Variants in PAQR9 observed in about 807,000 individuals in gnomAD.
PAQR9 encodes the protein progestin and adipoQ receptor family member 9, also known as membrane progestin receptor epsilon.
A neutral mutation model predicts 24.0 loss-of-function variants in PAQR9; 12 were observed. That is an observed-to-expected ratio of 0.50 (90% CI 0.32 to 0.81). PAQR9 has a LOEUF of 0.81. Among genes scored for constraint, PAQR9 ranks in the 30% least tolerant of loss-of-function variants. The pLI is 0.03. For synonymous variants in PAQR9, 266 were observed against 237.6 expected, an observed-to-expected ratio of 1.12 and a Z score of -1.10; for missense variants, 418 against 520.8, an observed-to-expected ratio of 0.80 and a Z score of 1.92.
At position 142,962,027 on chromosome 3, in the gene PAQR9, C is replaced by G; in HGVS notation, c.*176G>C. On this transcript the variant is annotated 3_prime_UTR_variant, in exon 1 of 1. Transcript: ENST00000340634. ...ACCACCCCTGCCAACCTCCCTACTT[C>G]AAAGCCTCCAGTGGGTTGGGATCCC... The G allele has an allele frequency of 1.4e-6, 1 of 740,340 alleles. No homozygotes were observed. Among genetic ancestry groups the G allele is most frequent in the Non-Finnish European group, 2.2e-6 (1 of 458,686 alleles). The allele number at this position is 740,340 out of a possible 1,614,324, so 45.9% of individuals were successfully genotyped here.
chr3:142,951,624 A>G, downstream of PAQR9: 1 of 443,506 alleles, frequency 2.3e-6, no homozygotes, highest in South Asian at 1.6e-5. Context: ...TAGAAGAATT[A>G]CAGGAGTGGA....
At chr3:142,963,897 A>T (rs879888209), upstream of PAQR9, 309 of 984,866 alleles carry the variant, frequency 3.1e-4, 1 homozygote, top group Non-Finnish European at 3.7e-4. Flanking sequence ...CCCGTTAATG[A>T]TTGATGCGGG....
chr3:142,962,448 C>G lies in PAQR9; in HGVS notation c.889G>C (p.Glu297Gln). ...AAFFNVSKIP[E>Q]RIQPGLFDII... ...TCGAAAAGACCCGGCTGGATGCGCT[C>G]GGGGATCTTGCTCACGTTGAAGAAG... Residue 297 changes from glutamate (E) to glutamine (Q), a missense_variant, in exon 1 of 1, where the codon GAG (glutamate) becomes CAG (glutamine). Glu to Gln is a conservative substitution (Grantham distance 29, BLOSUM62 2). Around this residue, in one of 3 missense-constraint regions of PAQR9, gnomAD observed 230 missense variants for 305.2 expected, o/e 0.75. Coordinates refer to ENST00000340634, the MANE Select transcript of PAQR9 (RefSeq NM_198504.4). The G allele has an allele frequency of 6.2e-7, 1 of 1,613,790 alleles. No individual in the cohort carries two copies. Among genetic ancestry groups the G allele is most frequent in the Non-Finnish European group, 8.5e-7 (1 of 1,179,930 alleles).
At position 142,959,280 on chromosome 3, in the gene PAQR9, C is replaced by T. The variant is rs1934848184; in HGVS notation, c.*2923G>A. ...ACATTACCTTGAAATGTGTAATAAACCTGGATAGTTCCGTGCAAATGGGGA... is the reference window on the plus strand; with the variant it reads ...ACATTACCTTGAAATGTGTAATAAATCTGGATAGTTCCGTGCAAATGGGGA... On this transcript the variant is annotated 3_prime_UTR_variant, in exon 1 of 1. Transcript: ENST00000340634. Among the ~76,000 whole-genome samples the T allele has an allele frequency of 6.6e-6, 1 of 152,024 alleles. No homozygotes were observed.
At position 142,963,340 on chromosome 3, in the gene PAQR9, G is replaced by T; in HGVS notation, c.-4C>A. On this transcript the variant is annotated 5_prime_UTR_variant, in exon 1 of 1. Transcript: ENST00000340634. Reference sequence around the variant, plus strand: ...GGGGCTGCAGGCGCCGCGGCATGGTGCCCGGGGCTCGGCTAGGGCGCGCGC... The same window carrying T: ...GGGGCTGCAGGCGCCGCGGCATGGTTCCCGGGGCTCGGCTAGGGCGCGCGC... 1 of 1,336,948 alleles carries T rather than the reference G, an allele frequency of 7.5e-7. No homozygotes were observed. Among genetic ancestry groups the T allele is most frequent in the Non-Finnish European group, 9.5e-7 (1 of 1,050,330 alleles). The allele number at this position is 1,336,948 out of a possible 1,614,324, so 82.8% of individuals were successfully genotyped here.
At chr3:142,951,749 T>C (rs1363389492), downstream of PAQR9, 2 of 456,524 alleles carry the variant, frequency 4.4e-6, no homozygotes, top group Non-Finnish European at 8.8e-6. Flanking sequence ...CCGGTATAGA[T>C]GCTCTATCTT....
rs949430583 is a variant in PAQR9, at chr3:142,956,414, C to T, written c.*5789G>A. Reference sequence around the variant, plus strand: ...TTACACATTGGAGAATAATTTTGCACATTCAAGAAATTTTCCTTGAGAAAT... The same window carrying T: ...TTACACATTGGAGAATAATTTTGCATATTCAAGAAATTTTCCTTGAGAAAT... On this transcript the variant is annotated 3_prime_UTR_variant, in exon 1 of 1. Coordinates refer to ENST00000340634, the MANE Select transcript of PAQR9 (RefSeq NM_198504.4). Among the ~76,000 whole-genome samples the T allele has an allele frequency of 6.6e-6, 1 of 152,200 alleles. No homozygotes were observed. The highest frequency in any genetic ancestry group is 6.5e-5 in the Admixed American group (1 of 15,274).
chr3:142,953,324 A>G (rs1934745619), downstream of PAQR9, among the ~76,000 whole-genome samples: 1 of 152,116 alleles, frequency 6.6e-6, no homozygotes, highest in African/African-American at 2.4e-5. Flanking sequence ...CTGCTGTTCT[A>G]AGTGAAGGCA....
At chr3:142,952,448 G>T (rs779176407), downstream of PAQR9, among the ~76,000 whole-genome samples, 1 of 152,230 alleles carries the variant, frequency 6.6e-6, no homozygotes, top group Non-Finnish European at 1.5e-5. Flanking sequence ...GTCATGGTGG[G>T]ATGGGAGCTG....
downstream of PAQR9, among the ~76,000 whole-genome samples, chr3:142,951,378 C>T (rs1934708011): frequency 6.6e-6 from 1 of 152,172 alleles, no homozygotes. Context: ...TCTGAAGTAG[C>T]TGTCTGATTC....
Position 142,963,054 on chromosome 3 carries a change from G to A in PAQR9, c.283C>T (p.Leu95=). The change falls in exon 1 of 1, where the codon CTG becomes TTG. Residue 95 remains leucine, a synonymous_variant. Coordinates refer to ENST00000340634, the MANE Select transcript of PAQR9 (RefSeq NM_198504.4). ...LNFWTHFIPL[L]LFLSKFCRLF... ...CGGCAGAACTTGCTCAGGAACAGCA[G>A]CAGCGGGATGAAGTGCGTCCAGAAG... is the stretch of plus-strand genomic sequence containing the variant. 1 of 1,614,212 alleles carries A rather than the reference G, an allele frequency of 6.2e-7. No individual in the cohort carries two copies. The highest frequency in any genetic ancestry group is 1.1e-5 in the South Asian group (1 of 91,084).
Position 142,961,035 on chromosome 3 carries a change from T to C in PAQR9, c.*1168A>G, listed in dbSNP as rs1934880392. ...TTAGAAACACATCTACATTAGAGGG[T>C]TGGCTCTTTGTCCTTGTTGGGAACC... On this transcript the variant is annotated 3_prime_UTR_variant, in exon 1 of 1. Coordinates refer to ENST00000340634, the MANE Select transcript of PAQR9 (RefSeq NM_198504.4). 2 of 151,952 alleles carry C rather than the reference T, an allele frequency of 1.3e-5. No homozygotes were observed. The highest frequency in any genetic ancestry group is 4.8e-5 in the African/African-American group (2 of 41,342). 9.4% of individuals were successfully genotyped at this position (151,952 alleles called of 1,614,324 possible). A position where few individuals can be genotyped will look rare whatever the true frequency, so the allele number is the denominator to read the frequency against.
Position 142,959,244 on chromosome 3 carries a change from T to C in PAQR9, c.*2959A>G, listed in dbSNP as rs527276809. ...GAAAAATATTTTAAAATATATATTGTTCTGATTGCCACATTACCTTGAAAT... is the reference window on the plus strand; with the variant it reads ...GAAAAATATTTTAAAATATATATTGCTCTGATTGCCACATTACCTTGAAAT... On this transcript the variant is annotated 3_prime_UTR_variant, in exon 1 of 1. Transcript: ENST00000340634. Among the ~76,000 whole-genome samples the C allele has an allele frequency of 3.9e-5, 6 of 152,356 alleles. No individual in the cohort carries two copies. The East Asian group carries it at 1.2e-3, about 29-fold the overall frequency.
rs528861139 is a variant in PAQR9, at chr3:142,954,787, T to C, written c.*7416A>G. Among the ~76,000 whole-genome samples the C allele has an allele frequency of 5.3e-5, 8 of 152,314 alleles. No homozygotes were observed. Among genetic ancestry groups the C allele is most frequent in the African/African-American group, 1.4e-4 (6 of 41,568 alleles). On this transcript the variant is annotated 3_prime_UTR_variant, in exon 1 of 1. Coordinates refer to ENST00000340634, the MANE Select transcript of PAQR9 (RefSeq NM_198504.4). Reference sequence around the variant, plus strand: ...ACAGAACTGGCCAAAGTGATACCTATTTCTATAGATTATTTTATCACATAA... The same window carrying C: ...ACAGAACTGGCCAAAGTGATACCTACTTCTATAGATTATTTTATCACATAA...
chr3:142,952,334 G>T (rs552150053), downstream of PAQR9, among the ~76,000 whole-genome samples: 273 of 152,184 alleles, frequency 1.8e-3, 1 homozygote, highest in African/African-American at 6.4e-3. Flanking sequence ...GCATCACTTC[G>T]GGGTCACTGG....
At position 142,963,274 on chromosome 3, in the gene PAQR9, T is replaced by G; in HGVS notation, c.63A>C (p.Ala21=). The change falls in exon 1 of 1, where the codon GCA becomes GCC. Residue 21 remains alanine, a synonymous_variant. Coordinates refer to ENST00000340634, the MANE Select transcript of PAQR9 (RefSeq NM_198504.4). The part of the protein sequence containing the change: ...GTKGPPAPAP[A]ASGAARNSHS... ...GGGAGTTCCGGGCGGCCCCCGAAGC[T>G]GCCGGGGCCGGGGCCGGAGGGCCTT... 5 of 1,498,768 alleles carry G rather than the reference T, an allele frequency of 3.3e-6. No individual in the cohort carries two copies. Among genetic ancestry groups the G allele is most frequent in the Non-Finnish European group, 4.4e-6 (5 of 1,126,042 alleles). 92.8% of individuals were successfully genotyped at this position (1,498,768 alleles called of 1,614,324 possible). A position where few individuals can be genotyped will look rare whatever the true frequency, so the allele number is the denominator to read the frequency against.
At chr3:142,963,868 C>T, upstream of PAQR9, 1 of 985,314 alleles carries the variant, frequency 1.0e-6, no homozygotes, top group Non-Finnish European at 1.2e-6. Context: ...CCTCCTCGGG[C>T]CGCCGCAGCC....
rs998589458 is a variant in PAQR9, at chr3:142,954,897, C to T, written c.*7306G>A. ...ATGTTAGTCCATGCCTGGAAGCTCA[C>T]GTATCCTGAGAATGCCTCTCTTGCT... On this transcript the variant is annotated 3_prime_UTR_variant, in exon 1 of 1. Coordinates refer to ENST00000340634, the MANE Select transcript of PAQR9 (RefSeq NM_198504.4). 2.6e-5 allele frequency among the ~76,000 whole-genome samples: 4 copies of T among 152,142 alleles called. No homozygotes were observed. The highest frequency in any genetic ancestry group is 4.8e-5 in the African/African-American group (2 of 41,410).
rs182418458 is a variant in PAQR9, at chr3:142,955,951, T to C, written c.*6252A>G. Among the ~76,000 whole-genome samples, 14 of 152,340 alleles carry C rather than the reference T, an allele frequency of 9.2e-5. No individual in the cohort carries two copies. The highest frequency in any genetic ancestry group is 5.9e-5 in the Non-Finnish European group (4 of 68,038). On this transcript the variant is annotated 3_prime_UTR_variant, in exon 1 of 1. Transcript: ENST00000340634. ...TAAAGACCTACTAGGTCTTTATCATTTGAGTAAGAGCTCAAGGTGATTAAA... is the reference window on the plus strand; with the variant it reads ...TAAAGACCTACTAGGTCTTTATCATCTGAGTAAGAGCTCAAGGTGATTAAA...
Sources: gnomAD v4.1 joint callset for allele counts (sites outside exome capture counted in the v4.1 genomes callset) on GRCh38, gnomAD v4.1.1 for gene constraint, gnomAD v4.1.1 regional missense constraint, MANE v1.5 for transcripts, NCBI Gene and HGNC (gene_info 2026-07-23, HGNC 2026-07-21) for gene names.